Variants in GLYATL2 observed in about 807,000 individuals in gnomAD.
The protein encoded by GLYATL2 is glycine-N-acyltransferase like 2, also known as glycine N-acyltransferase-like protein 2.
Under a neutral mutation model 21.4 loss-of-function variants are expected in GLYATL2, and 25 were observed. The observed-to-expected ratio is 1.17, with a 90% CI of 0.85 to 1.63. The LOEUF is 1.63. Among genes scored for constraint, GLYATL2 ranks in the 40% most tolerant of loss-of-function variants. GLYATL2 has a pLI of 0.00. For synonymous variants in GLYATL2, 114 were observed against 118.2 expected, an observed-to-expected ratio of 0.96 and a Z score of 0.23; for missense variants, 361 against 343.3, an observed-to-expected ratio of 1.05 and a Z score of -0.41.
At chr11:58,899,996 G>T (rs1854707538) in intron 1 of GLYATL2, among the ~76,000 whole-genome samples, 1 of 149,284 alleles carries the variant, frequency 6.7e-6, no homozygotes, top group South Asian at 2.3e-4. Context: ...AACAAAATAG[G>T]TATCAGTAGT....
At position 58,899,600 on chromosome 11, in the gene GLYATL2, A is replaced by C. The variant is rs143993819; in HGVS notation, n.60+4556T>G. ...GGGTTAGGACGGGCCTCCACAAAAG[A>C]CTGGCATTTGACAGACAGCTGCAGA... is the stretch of plus-strand genomic sequence containing the variant. On this transcript the variant is annotated intron_variant and non_coding_transcript_variant, in intron 1 of 4. Transcript: ENST00000533636. 6.6e-3 allele frequency among the ~76,000 whole-genome samples: 1,000 copies of C among 152,108 alleles called. 12 individuals carry two copies. Among genetic ancestry groups the C allele is most frequent in the African/African-American group, 0.023 (945 of 41,476 alleles).
intron 1 of GLYATL2, among the ~76,000 whole-genome samples, chr11:58,895,276 C>A (rs1854614282): frequency 6.6e-6 from 1 of 152,148 alleles, no homozygotes; most frequent in Admixed American, 6.5e-5. Context: ...AAGGTAAGTC[C>A]AAAATTATCA....
rs1251505558 is a variant in GLYATL2, at chr11:58,834,667, A to C, written c.647T>G (p.Val216Gly). Residue 216 changes from valine (V) to glycine (G), a missense_variant, in exon 6 of 6, where the codon GTG becomes GGG. Transcript: ENST00000287275. ...GPEGQLVSWI[V>G]MEQSCELRMG... is the part of the protein sequence containing the mutation. ...TCTCAACTCACAGGACTGTTCCATCACAATCCAAGAGACAAGCTGGCCCTC... is the reference window on the plus strand; with the variant it reads ...TCTCAACTCACAGGACTGTTCCATCCCAATCCAAGAGACAAGCTGGCCCTC... 2 of 1,613,424 alleles carry C rather than the reference A, an allele frequency of 1.2e-6. No homozygotes were observed. The highest frequency in any genetic ancestry group is 1.7e-6 in the Non-Finnish European group (2 of 1,179,990).
At chr11:58,877,990 T>A (rs903505126) in intron 1 of GLYATL2, among the ~76,000 whole-genome samples, 2 of 152,220 alleles carry the variant, frequency 1.3e-5, no homozygotes, top group African/African-American at 4.8e-5. Flanking sequence ...CCAGCAGCCA[T>A]ACTTCAACCA....
At chr11:58,904,510 C>CT (rs1395033733), upstream of GLYATL2, among the ~76,000 whole-genome samples, 1 of 152,158 alleles carries the variant, frequency 6.6e-6, no homozygotes, top group Non-Finnish European at 1.5e-5. Context: ...CTTTTAACAG[C>CT]TTTTTTCCTC....
chr11:58,881,133 T>G (rs892678329), intron 1 of GLYATL2, among the ~76,000 whole-genome samples: 3 of 152,240 alleles, frequency 2.0e-5, no homozygotes, highest in African/African-American at 7.2e-5. Context: ...AAAACTAACA[T>G]ATGTTAAATA....
At chr11:58,901,948 A>G (rs7939049) in intron 1 of GLYATL2, among the ~76,000 whole-genome samples, 118,719 of 152,042 alleles carry the variant, frequency 0.78, 47,477 homozygotes, top group Non-Finnish European at 0.88. Flanking sequence ...ACCTCTACAC[A>G]CAGCTCAGTG....
chr11:58,839,523 C>T lies in GLYATL2; in HGVS notation c.78+12G>A. 2 of 1,573,698 alleles carry T rather than the reference C, an allele frequency of 1.3e-6. No homozygotes were observed. Among genetic ancestry groups the T allele is most frequent in the Non-Finnish European group, 8.7e-7 (1 of 1,146,124 alleles). Reference sequence around the variant, plus strand: ...ACCCTCTCTCTCCTTTGATCTCCTCCTACTCCGTTACCTTTATGGATTCAG... The same window carrying T: ...ACCCTCTCTCTCCTTTGATCTCCTCTTACTCCGTTACCTTTATGGATTCAG... On this transcript the variant is annotated intron_variant, in intron 2 of 5. Transcript: ENST00000287275.
intron 1 of GLYATL2, among the ~76,000 whole-genome samples, chr11:58,896,628 A>C (rs1854639957): frequency 6.6e-6 from 1 of 152,214 alleles, no homozygotes; most frequent in Admixed American, 6.5e-5. Flanking sequence ...AAACAAGGAC[A>C]CAAAGATGGA....
At chr11:58,870,444 G>A (rs1253005452) in intron 1 of GLYATL2, among the ~76,000 whole-genome samples, 1 of 152,178 alleles carries the variant, frequency 6.6e-6, no homozygotes, top group Non-Finnish European at 1.5e-5. Context: ...TTCTTTGAAT[G>A]AGATTGGGAG....
intron 1 of GLYATL2, among the ~76,000 whole-genome samples, chr11:58,859,230 A>G (rs1194434361): frequency 6.6e-6 from 1 of 151,978 alleles, no homozygotes; most frequent in Non-Finnish European, 1.5e-5. Flanking sequence ...TAAGGATCCT[A>G]GCTACAGCCT....
intron 1 of GLYATL2, among the ~76,000 whole-genome samples, chr11:58,886,696 G>T (rs1283652725): frequency 4.6e-5 from 7 of 152,142 alleles, no homozygotes; most frequent in Admixed American, 4.6e-4. Flanking sequence ...ACAAACCTAG[G>T]TCTATTTTTT....
At chr11:58,886,913 G>T (rs1854452052) in intron 1 of GLYATL2, among the ~76,000 whole-genome samples, 1 of 152,140 alleles carries the variant, frequency 6.6e-6, no homozygotes, top group African/African-American at 2.4e-5. Flanking sequence ...GGAACAAAGG[G>T]GTAAAGGGGA....
At chr11:58,883,675 C>G (rs635588) in intron 1 of GLYATL2, among the ~76,000 whole-genome samples, 134,717 of 152,132 alleles carry the variant, frequency 0.89, 60,854 homozygotes, top group Non-Finnish European at 0.98. Context: ...TGAAACTATT[C>G]CAATCAATAA....
At chr11:58,852,432 T>C (rs566534674) in intron 1 of GLYATL2, among the ~76,000 whole-genome samples, 105 of 152,356 alleles carry the variant, frequency 6.9e-4, no homozygotes, top group Non-Finnish European at 1.3e-3. Flanking sequence ...TGAATAACAA[T>C]GACCTACATT....
At position 58,834,239 on chromosome 11, in the gene GLYATL2, T is replaced by C. The variant is rs185933179; in HGVS notation, c.*190A>G. The C allele has an allele frequency of 2.1e-3, 906 of 439,760 alleles. 8 individuals are homozygous for C. The highest frequency in any genetic ancestry group is 0.016 in the African/African-American group (809 of 49,258). The allele number at this position is 439,760 out of a possible 1,614,324, so 27.2% of individuals were successfully genotyped here. A position where few individuals can be genotyped will look rare whatever the true frequency, so the allele number is the denominator to read the frequency against. ...TGTCATAAAGGAAATTATGAGACCA[T>C]AAAATTGAGCTTCTAATTTTCTGTA... On this transcript the variant is annotated 3_prime_UTR_variant, in exon 6 of 6. Transcript: ENST00000287275.
chr11:58,901,725 A>C (rs1383777072), intron 1 of GLYATL2, among the ~76,000 whole-genome samples: 1 of 152,088 alleles, frequency 6.6e-6, no homozygotes, highest in Admixed American at 6.5e-5. Context: ...ATCCTGTCCT[A>C]ATCTGTGAAA....
rs1853761264 is a variant in GLYATL2 at position 58,852,610 on chromosome 11, G to T, written n.61-14242C>A. 2.0e-5 allele frequency among the ~76,000 whole-genome samples: 3 copies of T among 152,174 alleles called. No homozygotes were observed. The South Asian group carries it at 6.2e-4, about 32-fold the overall frequency. On this transcript the variant is annotated intron_variant and non_coding_transcript_variant, in intron 1 of 4. Transcript: ENST00000533636. ...TAGCTTGCTCAAAATTACATGAAAT[G>T]AAAATAGCCGATCCAGGATTAAGGC...
At chr11:58,865,257 T>A (rs913885450) in intron 1 of GLYATL2, among the ~76,000 whole-genome samples, 1 of 148,984 alleles carries the variant, frequency 6.7e-6, no homozygotes. Context: ...TCTTCCAGAT[T>A]TTCTGATGAT....
Sources: gnomAD v4.1 joint callset for allele counts (sites outside exome capture counted in the v4.1 genomes callset) on GRCh38, gnomAD v4.1.1 for gene constraint, MANE v1.5 for transcripts, NCBI Gene and HGNC (gene_info 2026-07-23, HGNC 2026-07-21) for gene names.